KCNG4: variants seen among roughly 807,000 people sequenced by gnomAD.
KCNG4 encodes potassium voltage-gated channel modifier subfamily G member 4.
In KCNG4, 30 loss-of-function variants were observed where a neutral mutation model predicts 28.2. The ratio of observed to expected loss-of-function variants is 1.06; its 90% confidence interval spans 0.80 to 1.44. The LOEUF is 1.44. Ranked by LOEUF, KCNG4 falls within the 40% of genes most tolerant of loss-of-function variation. KCNG4 has a pLI of 0.00. For synonymous variants in KCNG4, 375 were observed against 315.5 expected, an observed-to-expected ratio of 1.19 and a Z score of -2.00; for missense variants, 879 against 712.3, an observed-to-expected ratio of 1.23 and a Z score of -2.66.
chr16:84,222,001 A>C lies in KCNG4; in HGVS notation c.*216T>G. The stretch of plus-strand genomic sequence containing the variant: ...CTCAGTAGATGGGCAGAGAGAGGAA[A>C]AGGCAAGCAGGCTGGACACAGTCAG... On this transcript the variant is annotated 3_prime_UTR_variant, in exon 3 of 3. Coordinates refer to ENST00000308251, the MANE Select transcript of KCNG4 (RefSeq NM_172347.3). The C allele has an allele frequency of 1.7e-6, 1 of 581,228 alleles. No homozygotes were observed. The highest frequency in any genetic ancestry group is 3.1e-6 in the Non-Finnish European group (1 of 327,164). The allele number at this position is 581,228 out of a possible 1,614,324, so 36.0% of individuals were successfully genotyped here. A position where few individuals can be genotyped will look rare whatever the true frequency, so the allele number is the denominator to read the frequency against.
intron 2 of KCNG4, among the ~76,000 whole-genome samples, chr16:84,228,519 C>A (rs1010546804): frequency 1.3e-5 from 2 of 152,144 alleles, no homozygotes; most frequent in Non-Finnish European, 2.9e-5. Flanking sequence ...CCCTCCGCTA[C>A]CCTCCCCTCC....
At chr16:84,230,694 G>T (rs1489489431) in intron 2 of KCNG4, among the ~76,000 whole-genome samples, 3 of 152,242 alleles carry the variant, frequency 2.0e-5, no homozygotes, top group Non-Finnish European at 4.4e-5. Flanking sequence ...AGCCCGTGCA[G>T]TTCTGCTCCC....
intron 2 of KCNG4, among the ~76,000 whole-genome samples, chr16:84,228,240 C>G (rs1455981165): frequency 6.6e-6 from 1 of 152,186 alleles, no homozygotes; most frequent in Non-Finnish European, 1.5e-5. Flanking sequence ...TGGAGACTTC[C>G]TCGCCCCCTC....
chr16:84,224,002 T>G (rs777456253), intron 2 of KCNG4, among the ~76,000 whole-genome samples: 12 of 152,284 alleles, frequency 7.9e-5, no homozygotes, highest in Middle Eastern at 3.4e-3. Flanking sequence ...GTTCTGTATT[T>G]TGTTCTTCCT....
At position 84,222,189 on chromosome 16, in the gene KCNG4, T is replaced by C; in HGVS notation, c.*28A>G. 6.2e-7 allele frequency: 1 copy of C among 1,608,290 alleles called. No individual in the cohort carries two copies. Among genetic ancestry groups the C allele is most frequent in the East Asian group, 2.2e-5 (1 of 44,808 alleles). ...TTTCAGGCAGGGTGATGGGTTGAGGTTACCATGTAGTCATGGGGGGTGCTG... is the reference window on the plus strand; with the variant it reads ...TTTCAGGCAGGGTGATGGGTTGAGGCTACCATGTAGTCATGGGGGGTGCTG... On this transcript the variant is annotated 3_prime_UTR_variant, in exon 3 of 3. Coordinates refer to ENST00000308251, the MANE Select transcript of KCNG4 (RefSeq NM_172347.3).
chr16:84,237,004 C>T lies in KCNG4; in HGVS notation c.482G>A (p.Cys161Tyr). ...GIEEAHLERC[C>Y]LRKLLRKLEE... is the part of the protein sequence containing the mutation. ...CAGCTTCCTCAGCAGCTTCCGCAGGCAGCACCTCTCCAGGTGGGCCTCCTC... is the reference window on the plus strand; with the variant it reads ...CAGCTTCCTCAGCAGCTTCCGCAGGTAGCACCTCTCCAGGTGGGCCTCCTC... The change falls in exon 2 of 3, where the codon TGC becomes TAC. Residue 161 changes from cysteine to tyrosine, a missense_variant. Coordinates refer to ENST00000308251, the MANE Select transcript of KCNG4 (RefSeq NM_172347.3). The T allele has an allele frequency of 6.2e-7, 1 of 1,613,850 alleles. No homozygotes were observed. Among genetic ancestry groups the T allele is most frequent in the Non-Finnish European group, 8.5e-7 (1 of 1,180,006 alleles).
Position 84,225,361 on chromosome 16 carries a change from G to A in KCNG4, c.757-2341C>T, listed in dbSNP as rs551906292. The stretch of plus-strand genomic sequence containing the variant: ...TCTGTGCTTCAGTTTCCAATGCAGA[G>A]TTTGGAACAGAATTGGTATTTCTGA... On this transcript the variant is annotated intron_variant, in intron 2 of 2. Coordinates refer to ENST00000308251, the MANE Select transcript of KCNG4 (RefSeq NM_172347.3). Among the ~76,000 whole-genome samples the A allele has an allele frequency of 3.9e-3, 601 of 152,348 alleles. 1 individual carries two copies. The highest frequency in any genetic ancestry group is 5.7e-3 in the Non-Finnish European group (390 of 68,030).
chr16:84,235,508 A>G (rs1429056910), intron 2 of KCNG4: 1 of 152,148 alleles, frequency 6.6e-6, no homozygotes, highest in Non-Finnish European at 1.5e-5. Flanking sequence ...TAAAGGTCCA[A>G]ATATTTTGTG....
At chr16:84,231,306 C>T (rs575696746) in intron 2 of KCNG4, among the ~76,000 whole-genome samples, 164 of 152,260 alleles carry the variant, frequency 1.1e-3, no homozygotes, top group South Asian at 2.1e-3. Flanking sequence ...CAACCCAGGA[C>T]GAGCAAACTA....
Position 84,237,080 on chromosome 16 carries a change from G to A in KCNG4, c.406C>T (p.Gln136Ter), listed in dbSNP as rs763229562. The change falls in exon 2 of 3, where the codon CAG becomes TAG. Residue 136 changes from glutamine (Q) to a stop codon, truncating the protein, a stop_gained. Transcript: ENST00000308251. LOFTEE classifies it high-confidence loss of function. ...TGGAAGGACAGCGCGCACATCTCCT[G>A]CAGAAGCACCAGCTTCCCGGCCGCC... ...FLAAGKLVLL[Q>*]EMCALSFQEE... is the part of the protein sequence containing the mutation. 6.2e-7 allele frequency: 1 copy of A among 1,614,086 alleles called. No individual in the cohort carries two copies. Among genetic ancestry groups the A allele is most frequent in the Non-Finnish European group, 8.5e-7 (1 of 1,180,018 alleles).
rs754897994 is a variant in KCNG4 at position 84,222,425 on chromosome 16, G to A, written c.1352C>T (p.Thr451Met). 1.2e-5 allele frequency: 19 copies of A among 1,614,054 alleles called. No homozygotes were observed. The African/African-American group carries it at 1.3e-4, about 11-fold the overall frequency. The change falls in exon 3 of 3, where the codon ACG (threonine) becomes ATG (methionine). Residue 451 changes from threonine (T) to methionine (M), a missense_variant. By Grantham distance (81) the Thr-to-Met change is moderately conservative. Transcript: ENST00000308251. ...SGILIMAFPA[T>M]SIFHTFSHSY... ...GTGGGAGAAGGTGTGGAAGATAGAC[G>A]TGGCCGGGAAGGCCATGATGAGGAT...
At chr16:84,230,022 G>A (rs1448973746) in intron 2 of KCNG4, among the ~76,000 whole-genome samples, 1 of 152,218 alleles carries the variant, frequency 6.6e-6, no homozygotes, top group Non-Finnish European at 1.5e-5. Flanking sequence ...ACTAAAGGGT[G>A]AGGAGGCAGG....
chr16:84,237,266 AG>A lies in KCNG4; in HGVS notation c.219del (p.Trp74GlyfsTer9). 1 of 1,612,096 alleles carries A rather than the reference AG, an allele frequency of 6.2e-7. No individual in the cohort carries two copies. Among genetic ancestry groups the A allele is most frequent in the Non-Finnish European group, 8.5e-7 (1 of 1,178,656 alleles). ...INVGGRRYLL[P>X]WSTLDRFPLS... ...AGCGGGAACCGGTCCAGTGTGCTCC[AG>A]GGGAGGAGATACCTCCTGCCCCCCA... is the stretch of plus-strand genomic sequence containing the variant. On this transcript the variant is annotated frameshift_variant, in exon 2 of 3. Coordinates refer to ENST00000308251, the MANE Select transcript of KCNG4 (RefSeq NM_172347.3). LOFTEE classifies it high-confidence loss of function.
intron 2 of KCNG4, among the ~76,000 whole-genome samples, chr16:84,233,829 T>C (rs1266409454): frequency 6.6e-6 from 1 of 152,156 alleles, no homozygotes; most frequent in Non-Finnish European, 1.5e-5. Context: ...ATCAGTGTTG[T>C]GTAGTCATAG....
rs747290235 is a variant in KCNG4 at position 84,222,885 on chromosome 16, T to C, written c.892A>G (p.Ile298Val). ...CQFFQGPLNI[I>V]DILAISPYYV... ...TATGGGGAGATGGCCAGGATGTCGA[T>C]GATGTTCAGGGGCCCCTGGAAGAAC... Residue 298 changes from isoleucine (I) to valine (V), a missense_variant, in exon 3 of 3, where the codon ATC (isoleucine) becomes GTC (valine). Coordinates refer to ENST00000308251, the MANE Select transcript of KCNG4 (RefSeq NM_172347.3). 1.7e-5 allele frequency: 28 copies of C among 1,612,316 alleles called. No individual in the cohort carries two copies. The highest frequency in any genetic ancestry group is 2.4e-5 in the Non-Finnish European group (28 of 1,178,768).
Position 84,237,340 on chromosome 16 carries a change from G to A in KCNG4, c.146C>T (p.Ala49Val). 7 of 1,575,868 alleles carry A rather than the reference G, an allele frequency of 4.4e-6. No individual in the cohort carries two copies. Among genetic ancestry groups the A allele is most frequent in the Admixed American group, 1.8e-5 (1 of 55,608 alleles). ...CAGGTCCACTGGGGAGGCGTCCAGGGCACCCACCTTCCGCACCCTCCGGTA... is the reference window on the plus strand; with the variant it reads ...CAGGTCCACTGGGGAGGCGTCCAGGACACCCACCTTCCGCACCCTCCGGTA... The part of the protein sequence containing the change: ...LYYRRVRKVG[A>V]LDASPVDLKK... The change falls in exon 2 of 3, where the codon GCC (alanine) becomes GTC (valine). Residue 49 changes from alanine to valine, a missense_variant. Transcript: ENST00000308251.
rs532932954 is a variant in KCNG4 at position 84,222,843 on chromosome 16, C to T, written c.934G>A (p.Val312Met). The T allele has an allele frequency of 6.2e-7, 1 of 1,610,974 alleles. No individual in the cohort carries two copies. The highest frequency in any genetic ancestry group is 1.1e-5 in the South Asian group (1 of 90,848). Residue 312 changes from valine (V) to methionine (M), a missense_variant, in exon 3 of 3, where the codon GTG becomes ATG. Physicochemically the swap from Val to Met is conservative, Grantham distance 21. Coordinates refer to ENST00000308251, the MANE Select transcript of KCNG4 (RefSeq NM_172347.3). ...AISPYYVSLAVSEEPPEDGER... is the reference protein window; with the variant it reads ...AISPYYVSLAMSEEPPEDGER... ...CCGTCCTCCGGGGGCTCCTCAGACACCGCCAGCGACACGTAGTATGGGGAG... is the reference window on the plus strand; with the variant it reads ...CCGTCCTCCGGGGGCTCCTCAGACATCGCCAGCGACACGTAGTATGGGGAG...
In KCNG4 at chr16:84,239,826, T is replaced by C. The variant is rs244818; in HGVS notation, c.-197A>G. 0.23 allele frequency: 35,518 copies of C among 151,878 alleles called. 4,814 individuals carry two copies. The highest frequency in any genetic ancestry group is 0.35 in the African/African-American group (14,595 of 41,380). The allele number at this position is 151,878 out of a possible 1,614,324, so 9.4% of individuals were successfully genotyped here. ...TTCTAGCAGAGTCAGTTTCCAATCT[T>C]TCTTCCCGTGCCTCCTCCAGAAACC... On this transcript the variant is annotated 5_prime_UTR_variant, in exon 1 of 3. Coordinates refer to ENST00000308251, the MANE Select transcript of KCNG4 (RefSeq NM_172347.3).
rs994635619 is a variant in KCNG4 at position 84,223,933 on chromosome 16, C to G, written c.757-913G>C. ...AGACAGCCCTTGGGATGTGTGATTG[C>G]TGCCATCGACATGCGGGATTCTAGC... On this transcript the variant is annotated intron_variant, in intron 2 of 2. Transcript: ENST00000308251. Among the ~76,000 whole-genome samples the G allele has an allele frequency of 2.0e-5, 3 of 152,130 alleles. No homozygotes were observed. The South Asian group carries it at 6.2e-4, about 32-fold the overall frequency.
Sources: gnomAD v4.1 joint callset for allele counts (sites outside exome capture counted in the v4.1 genomes callset) on GRCh38, gnomAD v4.1.1 for gene constraint, MANE v1.5 for transcripts, NCBI Gene and HGNC (gene_info 2026-07-23, HGNC 2026-07-21) for gene names.